Variants in HYDIN observed in about 807,000 individuals in gnomAD.
HYDIN encodes the protein axonemal central pair apparatus protein HYDIN.
A neutral mutation model predicts 403.9 loss-of-function variants in HYDIN; 132 were observed. That is an observed-to-expected ratio of 0.33 (90% confidence interval 0.28 to 0.38). The LOEUF is 0.38. HYDIN is among the 10% of genes least tolerant of loss of function. The pLI, the probability that HYDIN is intolerant of heterozygous loss-of-function variation, is 1.00. For missense variants in HYDIN, 2,827 were observed against 5,009.5 expected, an observed-to-expected ratio of 0.56 and a Z score of 13.15; for synonymous variants, 1,202 against 1,891.7, an observed-to-expected ratio of 0.64 and a Z score of 9.46.
chr16:70,943,109 C>A (rs1249395295), intron 42 of HYDIN, among the ~76,000 whole-genome samples: 1 of 152,140 alleles, frequency 6.6e-6, no homozygotes, highest in Non-Finnish European at 1.5e-5. Context: ...AGCTCCAGGA[C>A]CTGGTAAGCA....
At chr16:71,079,552 C>G (rs1174003011) in intron 13 of HYDIN, among the ~76,000 whole-genome samples, 2 of 152,076 alleles carry the variant, frequency 1.3e-5, no homozygotes, top group African/African-American at 4.8e-5. Context: ...GAGAAGACTT[C>G]TAGATGAAAG....
Position 70,930,413 on chromosome 16 carries a change from G to A in HYDIN, c.7158+5539C>T, listed in dbSNP as rs564866525. 3.1e-3 allele frequency among the ~76,000 whole-genome samples: 479 copies of A among 152,176 alleles called. 2 individuals are homozygous for A. Among genetic ancestry groups the A allele is most frequent in the Non-Finnish European group, 5.4e-3 (364 of 67,974 alleles). On this transcript the variant is annotated intron_variant, in intron 45 of 85. Coordinates refer to ENST00000393567, the MANE Select transcript of HYDIN (RefSeq NM_001270974.2). ...GGAGAATGGCTTGAACCTGGGAGGC[G>A]GAGGTTGCAGTGAGCCAAGATTGCG...
chr16:70,957,328 ATT>A (rs567388952), intron 39 of HYDIN, among the ~76,000 whole-genome samples: 8 of 137,476 alleles, frequency 5.8e-5, no homozygotes, highest in Admixed American at 7.2e-5. Context: ...TTTCCTTCCT[ATT>A]TTTTTTTTTT....
At chr16:71,178,173 A>G (rs148303190) in intron 4 of HYDIN, among the ~76,000 whole-genome samples, 3,886 of 152,222 alleles carry the variant, frequency 0.026, 435 homozygotes, top group Admixed American at 0.2. Context: ...TAATCCCAGC[A>G]CTTTGGGAGA....
intron 78 of HYDIN, 45 bp from the exon 79 acceptor site, chr16:70,834,209 C>T (rs755780151): frequency 1.3e-6 from 2 of 1,556,618 alleles, no homozygotes; most frequent in Non-Finnish European, 1.7e-6. Context: ...GGTGGGAGGC[C>T]CCTAAGGCCT....
chr16:71,060,366 G>A (rs1172328066), intron 18 of HYDIN, 138 bp downstream of exon 18: 18 of 679,858 alleles, frequency 2.6e-5, no homozygotes, highest in Non-Finnish European at 3.9e-5. Context: ...AAGAACTGGG[G>A]ATGGGAATGA....
chr16:70,835,071 C>T (rs1284472781), intron 78 of HYDIN, among the ~76,000 whole-genome samples: 3 of 146,814 alleles, frequency 2.0e-5, no homozygotes, highest in Non-Finnish European at 4.5e-5. Context: ...GATCTCGACT[C>T]ACTGCAACCT....
chr16:70,804,334 A>C lies in HYDIN; in HGVS notation c.*3246T>G, dbSNP rs148493015. Among the ~76,000 whole-genome samples the C allele has an allele frequency of 1.7e-4, 26 of 152,326 alleles. No individual in the cohort carries two copies. The East Asian group carries it at 4.8e-3, about 28-fold the overall frequency. On this transcript the variant is annotated 3_prime_UTR_variant, in exon 86 of 86. Transcript: ENST00000393567. Reference sequence around the variant, plus strand: ...TGCAGTAACAGACCAATGCACAGAGACAGTGGGGATGCAGCAGAGAAAGTG... The same window carrying C: ...TGCAGTAACAGACCAATGCACAGAGCCAGTGGGGATGCAGCAGAGAAAGTG...
At chr16:70,883,762 G>A (rs943371163) in intron 59 of HYDIN, among the ~76,000 whole-genome samples, 158 bp downstream of exon 59, 13 of 152,280 alleles carry the variant, frequency 8.5e-5, no homozygotes, top group Admixed American at 8.5e-4. Flanking sequence ...GTAGAGACGG[G>A]GTTTTGCCAT....
intron 44 of HYDIN, 65 bp downstream of exon 44, chr16:70,938,549 C>T (rs1167956352): frequency 4.8e-6 from 5 of 1,050,844 alleles, no homozygotes; most frequent in Non-Finnish European, 7.2e-6. Context: ...CACCCCGGTC[C>T]TGGTCACTCT....
At chr16:71,068,151 G>A (rs1356495950) in intron 14 of HYDIN, among the ~76,000 whole-genome samples, 1 of 148,656 alleles carries the variant, frequency 6.7e-6, no homozygotes, top group Non-Finnish European at 1.5e-5. Flanking sequence ...CTGTGAAGCT[G>A]TACATTTAGG....
At chr16:70,939,560 G>A (rs1331726828) in intron 43 of HYDIN, among the ~76,000 whole-genome samples, 3 of 152,204 alleles carry the variant, frequency 2.0e-5, no homozygotes, top group Non-Finnish European at 4.4e-5. Flanking sequence ...ACTGGGGAAG[G>A]CACTTTACAT....
intron 25 of HYDIN, among the ~76,000 whole-genome samples, chr16:70,990,473 A>T (rs1201056303): frequency 6.8e-6 from 1 of 146,268 alleles, no homozygotes. Context: ...GCTTTCATAG[A>T]CTTTTTTCTT....
chr16:71,177,155 G>A (rs977382991), intron 4 of HYDIN, among the ~76,000 whole-genome samples: 1 of 152,202 alleles, frequency 6.6e-6, no homozygotes, highest in African/African-American at 2.4e-5. Context: ...GGTTATCCAT[G>A]AGAACTGAGT....
chr16:71,016,500 T>C lies in HYDIN; in HGVS notation c.3644+1629A>G, dbSNP rs1243753816. Among the ~76,000 whole-genome samples, 21 of 148,312 alleles carry C rather than the reference T, an allele frequency of 1.4e-4. No homozygotes were observed. The South Asian group carries it at 3.8e-3, about 27-fold the overall frequency. On this transcript the variant is annotated intron_variant, in intron 23 of 85. Coordinates refer to ENST00000393567, the MANE Select transcript of HYDIN (RefSeq NM_001270974.2). The stretch of plus-strand genomic sequence containing the variant: ...TGAGGATGCGGAGAAACTGAAACCC[T>C]GGTGCACTGTTACTGGGAATGCAAA...
At chr16:71,171,064 G>A (rs1007701974) in intron 5 of HYDIN, among the ~76,000 whole-genome samples, 2 of 152,096 alleles carry the variant, frequency 1.3e-5, no homozygotes, top group African/African-American at 4.8e-5. Flanking sequence ...TCCTTCATGA[G>A]CTCACCTGCT....
intron 5 of HYDIN, among the ~76,000 whole-genome samples, chr16:71,172,525 T>A (rs551762031): frequency 5.8e-4 from 89 of 152,198 alleles, no homozygotes; most frequent in South Asian, 1.9e-3. Flanking sequence ...TCATTTTTTT[T>A]AAAAAGTCTG....
At chr16:71,144,579 C>T (rs2085296958) in intron 7 of HYDIN, among the ~76,000 whole-genome samples, 1 of 149,442 alleles carries the variant, frequency 6.7e-6, no homozygotes, top group Non-Finnish European at 1.5e-5. Flanking sequence ...CAGGCACCCA[C>T]AGGAAGAAAG....
In HYDIN at chr16:71,151,343, C is replaced by T. The variant is rs539289459; in HGVS notation, c.841+1316G>A. 2.6e-5 allele frequency among the ~76,000 whole-genome samples: 4 copies of T among 152,044 alleles called. No individual in the cohort carries two copies. The East Asian group carries it at 7.7e-4, about 29-fold the overall frequency. ...GGCCACTTAACCATGGGACCTAAGA[C>T]AAGGGCTTGAGTCGTCCTCCTCAAA... On this transcript the variant is annotated intron_variant, in intron 7 of 85. Transcript: ENST00000393567.
Sources: allele counts gnomAD v4.1 joint callset (sites outside exome capture counted in the v4.1 genomes callset), GRCh38; gene constraint gnomAD v4.1.1; transcripts MANE v1.5; gene names NCBI Gene and HGNC (gene_info 2026-07-23, HGNC 2026-07-21).